ADCY2: variants seen among roughly 807,000 people sequenced by gnomAD.
ADCY2 encodes the protein adenylate cyclase 2.
ADCY2 carries 31 observed loss-of-function variants against 125.2 expected under a neutral mutation model. The observed-to-expected ratio is 0.25, with a 90% CI of 0.19 to 0.33. The LOEUF is 0.33. ADCY2 is among the 10% of genes least tolerant of loss of function. ADCY2 has a pLI of 1.00. For missense variants in ADCY2, 904 were observed against 1,418.2 expected, an observed-to-expected ratio of 0.64 and a Z score of 5.82; for synonymous variants, 512 against 548.4, an observed-to-expected ratio of 0.93 and a Z score of 0.93.
intron 14 of ADCY2, among the ~76,000 whole-genome samples, chr5:7,732,032 G>A (rs73043515): frequency 0.044 from 6,756 of 152,242 alleles, 501 homozygotes; most frequent in African/African-American, 0.15. Context: ...GCAAGGATTT[G>A]GGTCCATGGT....
chr5:7,491,818 G>A (rs1290324759), intron 2 of ADCY2, among the ~76,000 whole-genome samples: 2 of 152,066 alleles, frequency 1.3e-5, no homozygotes, highest in Non-Finnish European at 2.9e-5. Context: ...AATTTAGAAT[G>A]TGTTTTTTAT....
chr5:7,785,769 C>T (rs1469565421), intron 19 of ADCY2, among the ~76,000 whole-genome samples: 1 of 152,166 alleles, frequency 6.6e-6, no homozygotes, highest in Non-Finnish European at 1.5e-5. Context: ...CCATTTCATA[C>T]TGGGGATGCT....
At chr5:7,508,547 C>A (rs1179685665) in intron 2 of ADCY2, among the ~76,000 whole-genome samples, 2 of 152,072 alleles carry the variant, frequency 1.3e-5, no homozygotes, top group Admixed American at 1.3e-4. Flanking sequence ...ATCCAGAGCT[C>A]CAAGAGGGCT....
Position 7,484,757 on chromosome 5 carries a change from C to T in ADCY2, c.409-35981C>T, listed in dbSNP as rs151235401. On this transcript the variant is annotated intron_variant, in intron 2 of 24. Coordinates refer to ENST00000338316, the MANE Select transcript of ADCY2 (RefSeq NM_020546.3). ...TTTTCAGGTATTCTCAGCTACCCAG[C>T]TGTTTTTGTTTTCCTTTCTCTTCTG... Among the ~76,000 whole-genome samples, 1,424 of 152,262 alleles carry T rather than the reference C, an allele frequency of 9.4e-3. 28 individuals carry two copies. The highest frequency in any genetic ancestry group is 0.032 in the African/African-American group (1,345 of 41,556).
intron 15 of ADCY2, among the ~76,000 whole-genome samples, chr5:7,748,519 A>AACACACAC (rs35989915): frequency 0.015 from 1,354 of 90,116 alleles, 13 homozygotes; most frequent in South Asian, 0.04. Flanking sequence ...CCCACCCTCC[A>AACACACAC]ACACACACAC....
intron 14 of ADCY2, among the ~76,000 whole-genome samples, chr5:7,728,548 C>T (rs1203736375): frequency 6.6e-6 from 1 of 152,082 alleles, no homozygotes; most frequent in African/African-American, 2.4e-5. Flanking sequence ...TCCATTCAAA[C>T]AAATGTTAAC....
rs869287430 is a variant in ADCY2 at position 7,418,647 on chromosome 5, G to GTTTTTTTTTTTTTTTTTTTTTTTT, written c.408+3880_408+3903dup. The stretch of plus-strand genomic sequence containing the variant: ...AATTAAAAACAAAAGTCTACCTTCT[G>GTTTTTTTTTTTTTTTTTTTTTTTT]TTTTTTTTTTTTTTTTTTTTTTTTT... On this transcript the variant is annotated intron_variant, in intron 2 of 24. Coordinates refer to ENST00000338316, the MANE Select transcript of ADCY2 (RefSeq NM_020546.3). Among the ~76,000 whole-genome samples the GTTTTTTTTTTTTTTTTTTTTTTTT allele has an allele frequency of 6.8e-5, 5 of 73,766 alleles. 1 individual carries two copies. Among genetic ancestry groups the GTTTTTTTTTTTTTTTTTTTTTTTT allele is most frequent in the African/African-American group, 2.5e-4 (4 of 16,070 alleles). 48.4% of individuals were successfully genotyped at this position (73,766 alleles called of 152,430 possible). A position where few individuals can be genotyped will look rare whatever the true frequency, so the allele number is the denominator to read the frequency against.
intron 3 of ADCY2, among the ~76,000 whole-genome samples, chr5:7,546,809 C>T (rs1409974517): frequency 1.3e-5 from 2 of 152,160 alleles, no homozygotes; most frequent in Admixed American, 1.3e-4. Context: ...ACAGAAGGCA[C>T]CACACCTCCT....
At chr5:7,684,682 G>T (rs1740452601) in intron 4 of ADCY2, among the ~76,000 whole-genome samples, 1 of 151,838 alleles carries the variant, frequency 6.6e-6, no homozygotes, top group Non-Finnish European at 1.5e-5. Flanking sequence ...AGAGCTGGCT[G>T]TGAAGCTGGA....
intron 2 of ADCY2, among the ~76,000 whole-genome samples, chr5:7,512,071 A>G (rs1744081879): frequency 1.3e-5 from 2 of 151,736 alleles, no homozygotes; most frequent in Non-Finnish European, 2.9e-5. Flanking sequence ...ATATACAAAC[A>G]TTAGCCAGGC....
intron 3 of ADCY2, among the ~76,000 whole-genome samples, chr5:7,550,146 T>C (rs1243608355): frequency 6.6e-6 from 1 of 152,192 alleles, no homozygotes; most frequent in Non-Finnish European, 1.5e-5. Flanking sequence ...CTCTATTGAA[T>C]TGAGTGGCTC....
At chr5:7,423,821 C>A (rs7732703) in intron 2 of ADCY2, among the ~76,000 whole-genome samples, 122,384 of 152,042 alleles carry the variant, frequency 0.8, 49,799 homozygotes, top group African/African-American at 0.88. Context: ...TCTGCTCCTC[C>A]TTTTCTCTGT....
chr5:7,573,604 T>TC (rs1561102832), intron 3 of ADCY2, among the ~76,000 whole-genome samples: 2 of 145,588 alleles, frequency 1.4e-5, no homozygotes, highest in African/African-American at 5.2e-5. Flanking sequence ...TTTTTTTTTT[T>TC]TTTTTTTTTT....
chr5:7,750,563 C>T (rs1742777078), intron 15 of ADCY2, among the ~76,000 whole-genome samples: 1 of 152,116 alleles, frequency 6.6e-6, no homozygotes, highest in Non-Finnish European at 1.5e-5. Context: ...TTTTATAATC[C>T]TTCCCATGAG....
At chr5:7,566,253 A>T (rs966459009) in intron 3 of ADCY2, among the ~76,000 whole-genome samples, 1 of 152,192 alleles carries the variant, frequency 6.6e-6, no homozygotes, top group African/African-American at 2.4e-5. Context: ...CTAGGAGGCC[A>T]AGGCAGAAGG....
At chr5:7,489,102 C>T (rs75699798) in intron 2 of ADCY2, among the ~76,000 whole-genome samples, 5,827 of 152,220 alleles carry the variant, frequency 0.038, 278 homozygotes, top group Admixed American at 0.12. Flanking sequence ...TCCTGAGGCC[C>T]GGCTCTCCCA....
chr5:7,576,662 G>GTTT (rs978464131), intron 3 of ADCY2, among the ~76,000 whole-genome samples: 2 of 152,152 alleles, frequency 1.3e-5, no homozygotes, highest in African/African-American at 4.8e-5. Context: ...AAACTGTGCT[G>GTTT]TTTTTTCTTT....
At chr5:7,591,764 A>G (rs1561113976) in intron 3 of ADCY2, among the ~76,000 whole-genome samples, 2 of 152,164 alleles carry the variant, frequency 1.3e-5, no homozygotes, top group African/African-American at 2.4e-5. Context: ...AAACACACCT[A>G]GGTTAGAAGT....
At chr5:7,822,934 A>G (rs1745348541) in intron 24 of ADCY2, among the ~76,000 whole-genome samples, 4 of 152,216 alleles carry the variant, frequency 2.6e-5, no homozygotes. Flanking sequence ...TGTGTGTCTC[A>G]GCTTAGCCAA....
Sources: allele counts gnomAD v4.1 joint callset (sites outside exome capture counted in the v4.1 genomes callset), GRCh38; gene constraint gnomAD v4.1.1; transcripts MANE v1.5; gene names NCBI Gene and HGNC (gene_info 2026-07-23, HGNC 2026-07-21).